MS4A8: variants seen among roughly 807,000 people sequenced by gnomAD.
MS4A8 encodes the protein membrane-spanning 4-domains subfamily A member 8.
In MS4A8, 27 loss-of-function variants were observed where a neutral mutation model predicts 23.7. The ratio of observed to expected loss-of-function variants is 1.14; its 90% CI spans 0.84 to 1.57. MS4A8 has a LOEUF of 1.57. Among genes scored for constraint, MS4A8 ranks in the 40% most tolerant of loss-of-function variants. The probability of loss-of-function intolerance (pLI) is 0.00; values close to 1 mark genes in which losing one functional copy is unlikely to be tolerated. For missense variants in MS4A8, 301 were observed against 311.4 expected (o/e 0.97, Z 0.25); for synonymous variants, 138 against 126.3 (o/e 1.09, Z -0.62).
intron 5 of MS4A8, among the ~76,000 whole-genome samples, chr11:60,712,782 ACT>A (rs1266798223): frequency 2.7e-5 from 4 of 149,826 alleles, no homozygotes; most frequent in South Asian, 4.3e-4. Context: ...GCAGAGCAAC[ACT>A]CTGTCTCAAA....
intron 5 of MS4A8, 126 bp from the exon 6 acceptor site, chr11:60,714,895 C>T: frequency 1.5e-6 from 1 of 679,636 alleles, no homozygotes; most frequent in Non-Finnish European, 2.7e-6. Flanking sequence ...AATTTCCCCC[C>T]ACGAGGCTGA....
chr11:60,706,954 G>A (rs2088260481), intron 3 of MS4A8, 34 bp from the exon 4 acceptor site: 1 of 1,604,958 alleles, frequency 6.2e-7, no homozygotes, highest in Non-Finnish European at 8.5e-7. Context: ...CCTAGCCCCT[G>A]ACCTCTTTCT....
At chr11:60,714,169 C>A (rs2088322804) in intron 5 of MS4A8, among the ~76,000 whole-genome samples, 2 of 147,304 alleles carry the variant, frequency 1.4e-5, no homozygotes, top group Admixed American at 1.3e-4. Flanking sequence ...CATGATCCAC[C>A]CGCCTCGGCC....
chr11:60,703,455 G>C lies in MS4A8; in HGVS notation c.297G>C (p.Leu99=). Residue 99 remains leucine (L), a synonymous_variant, in exon 3 of 7, where the codon CTG becomes CTC. Coordinates refer to ENST00000300226, the MANE Select transcript of MS4A8 (RefSeq NM_031457.2). ...CGACGGTTCTCGTAGGGGAATACCT[G>C]TCTATTTCATTCTACGGAGGCTTTC... ...IMATVLVGEY[L]SISFYGGFPF... is the part of the protein sequence containing the mutation. The C allele has an allele frequency of 6.2e-7, 1 of 1,609,736 alleles. No homozygotes were observed. Among genetic ancestry groups the C allele is most frequent in the South Asian group, 1.1e-5 (1 of 90,104 alleles).
intron 5 of MS4A8, 47 bp downstream of exon 5, chr11:60,708,828 A>G (rs746163838): frequency 6.2e-7 from 1 of 1,608,738 alleles, no homozygotes; most frequent in South Asian, 1.1e-5. Context: ...TGAATTAGCT[A>G]CATTTAGAAA....
At chr11:60,708,610 A>G in intron 4 of MS4A8, 40 bp from the exon 5 acceptor site, 1 of 1,482,526 alleles carries the variant, frequency 6.7e-7, no homozygotes, top group South Asian at 1.5e-5. Flanking sequence ...CAGCTATAAC[A>G]GCTTTTCTCG....
At chr11:60,712,513 G>T in intron 5 of MS4A8, 7 of 910,686 alleles carry the variant, frequency 7.7e-6, no homozygotes, top group Non-Finnish European at 9.2e-6. Context: ...GATAATTGAG[G>T]CCGGTCACGG....
Position 60,699,702 on chromosome 11 carries a change from A to G in MS4A8, c.-75A>G, listed in dbSNP as rs17155222. 0.069 allele frequency: 10,443 copies of G among 152,376 alleles called. 883 individuals are homozygous for G. The highest frequency in any genetic ancestry group is 0.19 in the African/African-American group (7,902 of 41,480). The allele number at this position is 152,376 out of a possible 1,614,324, so 9.4% of individuals were successfully genotyped here. ...CTGGCCCCAGTACATTCATTCTCTC[A>G]GGAAAAAAAACAAGGTCCCCACAGC... On this transcript the variant is annotated 5_prime_UTR_variant, in exon 1 of 7. Transcript: ENST00000300226.
intron 5 of MS4A8, 75 bp from the exon 6 acceptor site, chr11:60,714,945 TG>T: frequency 9.8e-7 from 1 of 1,019,446 alleles, no homozygotes; most frequent in Non-Finnish European, 1.6e-6. Context: ...AAAGAGTCCA[TG>T]GCAGGGCCCC....
At chr11:60,711,863 G>A (rs533458618) in intron 5 of MS4A8, 27 of 456,044 alleles carry the variant, frequency 5.9e-5, no homozygotes, top group African/African-American at 4.4e-4. Flanking sequence ...ATGAGAACTC[G>A]CCCCATGCCC....
Position 60,706,904 on chromosome 11 carries a change from C to T in MS4A8, c.343-84C>T, listed in dbSNP as rs7126592. The stretch of plus-strand genomic sequence containing the variant: ...CTGATGGTTCCAGCAAAGGTACCCA[C>T]TGTGTGTGACCAGAATCACAGAAGC... On this transcript the variant is annotated intron_variant, in intron 3 of 6. Coordinates refer to ENST00000300226, the MANE Select transcript of MS4A8 (RefSeq NM_031457.2). The T allele has an allele frequency of 8.9e-3, 10,429 of 1,176,944 alleles. 607 individuals carry two copies. The African/African-American group carries it at 0.14, about 15-fold the overall frequency. The allele number at this position is 1,176,944 out of a possible 1,614,324, so 72.9% of individuals were successfully genotyped here. A position where few individuals can be genotyped will look rare whatever the true frequency, so the allele number is the denominator to read the frequency against.
At position 60,715,462 on chromosome 11, in the gene MS4A8, C is replaced by T. The variant is rs1387743042; in HGVS notation, c.*48C>T. ...TTTCACTGGGACCAAAAGAAGTCCT[C>T]CTCCCTTTCTGGGCTTCCATAACCC... On this transcript the variant is annotated 3_prime_UTR_variant, in exon 7 of 7. Coordinates refer to ENST00000300226, the MANE Select transcript of MS4A8 (RefSeq NM_031457.2). The T allele has an allele frequency of 3.4e-6, 5 of 1,490,538 alleles. No individual in the cohort carries two copies. The South Asian group carries it at 3.5e-5, about 10-fold the overall frequency. The allele number at this position is 1,490,538 out of a possible 1,614,324, so 92.3% of individuals were successfully genotyped here. A position where few individuals can be genotyped will look rare whatever the true frequency, so the allele number is the denominator to read the frequency against.
At chr11:60,703,232 C>A in intron 2 of MS4A8, 146 bp from the exon 3 acceptor site, 1 of 934,324 alleles carries the variant, frequency 1.1e-6, no homozygotes, top group Non-Finnish European at 1.5e-6. Flanking sequence ...GGGGAGATTA[C>A]AGGTAGTTTT....
rs1470420859 is a variant in MS4A8 at position 60,700,852 on chromosome 11, C to T, written c.-1-8C>T. ...AGGGAAAATTCTCTCGCATTTATTTCTTGGCAGCATGAATTCGATGACTTC... is the reference window on the plus strand; with the variant it reads ...AGGGAAAATTCTCTCGCATTTATTTTTTGGCAGCATGAATTCGATGACTTC... On this transcript the variant is annotated splice_polypyrimidine_tract_variant and splice_region_variant and intron_variant, in intron 1 of 6. Coordinates refer to ENST00000300226, the MANE Select transcript of MS4A8 (RefSeq NM_031457.2). The T allele has an allele frequency of 6.2e-6, 10 of 1,613,942 alleles. No individual in the cohort carries two copies. Among genetic ancestry groups the T allele is most frequent in the Non-Finnish European group, 8.5e-6 (10 of 1,179,912 alleles).
In MS4A8 at chr11:60,715,701, C is replaced by T. The variant is rs563356276; in HGVS notation, c.*287C>T. The T allele has an allele frequency of 4.8e-6, 2 of 415,852 alleles. No individual in the cohort carries two copies. The highest frequency in any genetic ancestry group is 8.0e-5 in the Admixed American group (2 of 25,072). 25.8% of individuals were successfully genotyped at this position (415,852 alleles called of 1,614,324 possible). A position where few individuals can be genotyped will look rare whatever the true frequency, so the allele number is the denominator to read the frequency against. ...TCTGGGGCCTTGGCACACACACATT[C>T]GTGTGCTCTGCTGCATGTGAGCTTG... On this transcript the variant is annotated 3_prime_UTR_variant, in exon 7 of 7. Transcript: ENST00000300226.
intron 6 of MS4A8, 61 bp downstream of exon 6, chr11:60,715,195 G>A: frequency 6.7e-7 from 1 of 1,500,872 alleles, no homozygotes; most frequent in East Asian, 2.3e-5. Flanking sequence ...AGACAAGGGA[G>A]CTCTTTGTGC....
intron 5 of MS4A8, among the ~76,000 whole-genome samples, chr11:60,714,486 G>A (rs116923716): frequency 0.02 from 3,078 of 152,224 alleles, 45 homozygotes; most frequent in Non-Finnish European, 0.028. Flanking sequence ...CACATTCAGA[G>A]GGATGGTGGA....
intron 2 of MS4A8, chr11:60,701,312 C>G (rs1315353606): frequency 1.5e-6 from 1 of 645,812 alleles, no homozygotes; most frequent in East Asian, 3.1e-5. Context: ...AGAAAAGCAA[C>G]AAAAAAGCAG....
At position 60,715,151 on chromosome 11, in the gene MS4A8, C is replaced by T. The variant is rs1156261295; in HGVS notation, c.648+17C>T. 6.3e-7 allele frequency: 1 copy of T among 1,592,178 alleles called. No homozygotes were observed. The highest frequency in any genetic ancestry group is 8.6e-7 in the Non-Finnish European group (1 of 1,160,106). Reference sequence around the variant, plus strand: ...TCAAGCAATGTGAGTCCCAGGGTTCCTCAGTGGGTGGAAAGATGCCCCCAA... The same window carrying T: ...TCAAGCAATGTGAGTCCCAGGGTTCTTCAGTGGGTGGAAAGATGCCCCCAA... On this transcript the variant is annotated intron_variant, in intron 6 of 6. Transcript: ENST00000300226.
Sources: gnomAD v4.1 joint callset for allele counts (sites outside exome capture counted in the v4.1 genomes callset) on GRCh38, gnomAD v4.1.1 for gene constraint, MANE v1.5 for transcripts, NCBI Gene and HGNC (gene_info 2026-07-23, HGNC 2026-07-21) for gene names.